RRBP1: variants seen among roughly 807,000 people sequenced by gnomAD.
The protein encoded by RRBP1 is ribosome binding protein 1.
A neutral mutation model predicts 165.2 loss-of-function variants in RRBP1; 94 were observed. The ratio of observed to expected loss-of-function variants is 0.57; its 90% confidence interval spans 0.48 to 0.68. RRBP1 has a LOEUF of 0.68. RRBP1 is among the 30% of genes least tolerant of loss of function. The pLI, the probability that RRBP1 is intolerant of heterozygous loss-of-function variation, is 0.00. For synonymous variants in RRBP1, 680 were observed against 714.5 expected, an observed-to-expected ratio of 0.95 and a Z score of 0.77; for missense variants, 1,676 against 1,763.0, an observed-to-expected ratio of 0.95 and a Z score of 0.88.
intron 18 of RRBP1, 35 bp from the exon 19 acceptor site, chr20:17,619,763 C>G (rs747058159): frequency 6.7e-7 from 1 of 1,501,370 alleles, no homozygotes; most frequent in Admixed American, 1.8e-5. Flanking sequence ...ACGCATGCGC[C>G]AGCAGCCTCT....
intron 5 of RRBP1, chr20:17,641,551 C>T (rs2036358869): frequency 1.7e-6 from 1 of 572,064 alleles, no homozygotes; most frequent in South Asian, 2.0e-5. Flanking sequence ...TGCTTCACTT[C>T]CCTGCGTTCT....
rs1384813666 is a variant in RRBP1 at position 17,618,605 on chromosome 20, C to T, written c.3750G>A (p.Glu1250=). Residue 1250 remains glutamate, a synonymous_variant, in exon 20 of 25, where the codon GAG becomes GAA. Coordinates refer to ENST00000377813, the MANE Select transcript of RRBP1 (RefSeq NM_001365613.2). ...CATGGAGGCCACCTACCAGGGCAAG[C>T]TCATCGCTCTGTTTCTGGGCTTCGC... ...AKSEAQKQSD[E]LALVRQQLSE... 1.5e-5 allele frequency: 24 copies of T among 1,613,792 alleles called. No individual in the cohort carries two copies. The highest frequency in any genetic ancestry group is 1.9e-5 in the Non-Finnish European group (23 of 1,179,958).
chr20:17,646,071 G>T (rs1600755842), intron 3 of RRBP1, among the ~76,000 whole-genome samples: 1 of 152,256 alleles, frequency 6.6e-6, no homozygotes, highest in South Asian at 2.1e-4. Context: ...CAGGGGCCAG[G>T]CCCTGCAGGA....
chr20:17,618,150 C>T (rs936450455), intron 20 of RRBP1, among the ~76,000 whole-genome samples: 5 of 152,234 alleles, frequency 3.3e-5, no homozygotes, highest in African/African-American at 9.6e-5. Flanking sequence ...TCTGAGCTGT[C>T]ACTGAGGTGA....
chr20:17,667,962 G>A (rs922904446), intron 2 of RRBP1, among the ~76,000 whole-genome samples: 10 of 152,022 alleles, frequency 6.6e-5, no homozygotes, highest in African/African-American at 9.7e-5. Context: ...CTTGTCTTCC[G>A]GCATTTTCTT....
At position 17,613,972 on chromosome 20, in the gene RRBP1, GT is replaced by G; in HGVS notation, c.*209del. On this transcript the variant is annotated 3_prime_UTR_variant, in exon 25 of 25. Transcript: ENST00000377813. ...GGCCCGGGGCTGCGCCCAGGATAGT[GT>G]TTATCAAATGTGACACAGGTTCATT... 1.7e-6 allele frequency: 1 copy of G among 593,756 alleles called. No individual in the cohort carries two copies. Among genetic ancestry groups the G allele is most frequent in the South Asian group, 2.1e-5 (1 of 47,226 alleles). 36.8% of individuals were successfully genotyped at this position (593,756 alleles called of 1,614,324 possible).
chr20:17,635,074 A>G (rs2036223097), intron 7 of RRBP1, among the ~76,000 whole-genome samples: 1 of 151,880 alleles, frequency 6.6e-6, no homozygotes, highest in African/African-American at 2.4e-5. Context: ...AACTAAAGAC[A>G]CTGCAGTGGG....
chr20:17,665,073 T>A (rs1221816000), intron 2 of RRBP1, among the ~76,000 whole-genome samples: 1 of 151,606 alleles, frequency 6.6e-6, no homozygotes, highest in African/African-American at 2.4e-5. Context: ...GATATTTATT[T>A]ATATATATAT....
At chr20:17,631,673 T>C (rs78924628) in intron 8 of RRBP1, among the ~76,000 whole-genome samples, 17,202 of 152,308 alleles carry the variant, frequency 0.11, 1,366 homozygotes, top group African/African-American at 0.22. Flanking sequence ...GCACCTTCAA[T>C]GGGTACTTTC....
intron 3 of RRBP1, among the ~76,000 whole-genome samples, chr20:17,652,278 A>C (rs987849057): frequency 4.6e-5 from 7 of 152,230 alleles, no homozygotes; most frequent in African/African-American, 7.2e-5. Context: ...TGTGACTAGT[A>C]GGCACTTGGA....
chr20:17,614,687 G>GCTC (rs1374104691), intron 24 of RRBP1, 50 bp downstream of exon 24: 3 of 1,600,858 alleles, frequency 1.9e-6, no homozygotes, highest in Non-Finnish European at 1.7e-6. Flanking sequence ...CCTCCCCGGG[G>GCTC]CTCCCGGCAG....
intron 5 of RRBP1, among the ~76,000 whole-genome samples, chr20:17,640,002 A>G (rs1205054312): frequency 6.6e-6 from 1 of 152,234 alleles, no homozygotes; most frequent in East Asian, 1.9e-4. Context: ...CATCGACTAC[A>G]AACATTTAAC....
chr20:17,643,527 C>T lies in RRBP1; in HGVS notation c.1913-400G>A, dbSNP rs998415616. 2.0e-5 allele frequency among the ~76,000 whole-genome samples: 3 copies of T among 152,040 alleles called. No homozygotes were observed. The highest frequency in any genetic ancestry group is 7.2e-5 in the African/African-American group (3 of 41,380). On this transcript the variant is annotated intron_variant, in intron 3 of 24. Coordinates refer to ENST00000377813, the MANE Select transcript of RRBP1 (RefSeq NM_001365613.2). The surrounding 1 kb of genome is among the most constrained non-coding windows in gnomAD (Gnocchi z 4.3). The stretch of plus-strand genomic sequence containing the variant: ...TCAACCTGCATGGCTCACCATGGTT[C>T]TCCCCACTGGCTGTGACTGAGCCCC...
intron 9 of RRBP1, among the ~76,000 whole-genome samples, chr20:17,629,485 T>C (rs1043726140): frequency 8.5e-5 from 13 of 152,144 alleles, no homozygotes; most frequent in Non-Finnish European, 1.5e-4. Flanking sequence ...GGACCCAGGC[T>C]TGGGAGGGAA....
chr20:17,641,596 C>A, intron 5 of RRBP1: 1 of 638,518 alleles, frequency 1.6e-6, no homozygotes, highest in South Asian at 1.8e-5. Flanking sequence ...GCCGTAGAGC[C>A]ACGAGCACTG....
In RRBP1 at chr20:17,635,635, A is replaced by G. The variant is rs759799142; in HGVS notation, c.2367T>C (p.Asn789=). Residue 789 remains asparagine (N), a synonymous_variant, in exon 7 of 25, where the codon AAT becomes AAC. Coordinates refer to ENST00000377813, the MANE Select transcript of RRBP1 (RefSeq NM_001365613.2). ...KIRTLQEQLE[N]GPNTQLARLQ... is the part of the protein sequence containing the mutation. ...GGCGGGCCAGCTGCGTGTTGGGGCC[A>G]TTCTCCAGCTGCTCCTGAAGAGTCC... 1.2e-6 allele frequency: 2 copies of G among 1,613,442 alleles called. No homozygotes were observed. The highest frequency in any genetic ancestry group is 1.3e-5 in the African/African-American group (1 of 74,912).
chr20:17,636,791 G>C lies in RRBP1; in HGVS notation c.2185-62C>G, dbSNP rs539431116. On this transcript the variant is annotated intron_variant, in intron 5 of 24. Transcript: ENST00000377813. ...CTTGCAGGGCAGGAGCCTATCAGAAGGGAGCAAGAGCATCACCCGAGCTGG... is the reference window on the plus strand; with the variant it reads ...CTTGCAGGGCAGGAGCCTATCAGAACGGAGCAAGAGCATCACCCGAGCTGG... 2.6e-5 allele frequency: 41 copies of C among 1,594,562 alleles called. No homozygotes were observed. The African/African-American group carries it at 4.7e-4, about 18-fold the overall frequency.
chr20:17,665,448 T>G (rs763885494), intron 2 of RRBP1, among the ~76,000 whole-genome samples: 11 of 152,224 alleles, frequency 7.2e-5, no homozygotes, highest in Non-Finnish European at 1.2e-4. Flanking sequence ...CCTGGCTCAC[T>G]GCAACCTCTG....
rs1208197054 is a variant in RRBP1, at chr20:17,625,653, C to T, written c.2964-51G>A. On this transcript the variant is annotated intron_variant, in intron 11 of 24. Coordinates refer to ENST00000377813, the MANE Select transcript of RRBP1 (RefSeq NM_001365613.2). ...CCTAGGCTCCAAGGGGCTACAGCCCCTACAGATCCCACCTGAGGCCCCATC... is the reference window on the plus strand; with the variant it reads ...CCTAGGCTCCAAGGGGCTACAGCCCTTACAGATCCCACCTGAGGCCCCATC... 4 of 1,470,868 alleles carry T rather than the reference C, an allele frequency of 2.7e-6. No individual in the cohort carries two copies. The African/African-American group carries it at 5.6e-5, about 20-fold the overall frequency. 91.1% of individuals were successfully genotyped at this position (1,470,868 alleles called of 1,614,324 possible).
Sources: allele counts gnomAD v4.1 joint callset (sites outside exome capture counted in the v4.1 genomes callset), GRCh38; gene constraint gnomAD v4.1.1; non-coding constraint Gnocchi (gnomAD v3.1); transcripts MANE v1.5; gene names NCBI Gene and HGNC (gene_info 2026-07-23, HGNC 2026-07-21).